SDK1: variants seen among roughly 807,000 people sequenced by gnomAD.
The protein encoded by SDK1 is sidekick cell adhesion molecule 1, also known as protein sidekick-1.
SDK1 carries 157 observed loss-of-function variants against 245.5 expected under a neutral mutation model. That is an observed-to-expected ratio of 0.64 (90% CI 0.56 to 0.73). The LOEUF is 0.73. Among genes scored for constraint, SDK1 ranks in the 30% least tolerant of loss-of-function variants. SDK1 has a pLI of 0.00. For missense variants in SDK1, 3,583 were observed against 3,002.3 expected, an observed-to-expected ratio of 1.19 and a Z score of -4.52; for synonymous variants, 1,647 against 1,278.5, an observed-to-expected ratio of 1.29 and a Z score of -6.15.
At chr7:3,478,282 A>G (rs529791697) in intron 1 of SDK1, among the ~76,000 whole-genome samples, 2 of 152,118 alleles carry the variant, frequency 1.3e-5, no homozygotes, top group South Asian at 4.1e-4. Flanking sequence ...AGAAGTTTAT[A>G]AATTTTATAA....
At chr7:3,628,982 G>A (rs1471524953) in intron 2 of SDK1, among the ~76,000 whole-genome samples, 1 of 151,972 alleles carries the variant, frequency 6.6e-6, no homozygotes, top group African/African-American at 2.4e-5. Context: ...GATTTCTTAG[G>A]GCAGGGTACT....
At chr7:3,621,072 C>T (rs998941797) in intron 2 of SDK1, among the ~76,000 whole-genome samples, 2 of 152,070 alleles carry the variant, frequency 1.3e-5, no homozygotes, top group African/African-American at 2.4e-5. Flanking sequence ...GTGACGTAAG[C>T]GTTTGCAAAA....
chr7:4,223,730 C>T (rs1326275351), intron 40 of SDK1, among the ~76,000 whole-genome samples: 2 of 152,256 alleles, frequency 1.3e-5, no homozygotes, highest in South Asian at 2.1e-4. Flanking sequence ...ATTGGGGGTT[C>T]GGACTTCAAC....
At chr7:3,825,907 T>C (rs1779762902) in intron 5 of SDK1, among the ~76,000 whole-genome samples, 1 of 152,224 alleles carries the variant, frequency 6.6e-6, no homozygotes, top group Non-Finnish European at 1.5e-5. Context: ...GAAATATTAC[T>C]AAAAACCAAT....
intron 1 of SDK1, among the ~76,000 whole-genome samples, chr7:3,493,173 G>C (rs921190237): frequency 2.0e-5 from 3 of 152,036 alleles, no homozygotes; most frequent in African/African-American, 7.2e-5. Flanking sequence ...GGATGGTCTC[G>C]ATCTCCTGAC....
intron 8 of SDK1, among the ~76,000 whole-genome samples, chr7:3,960,191 G>C (rs1003217672): frequency 9.2e-5 from 14 of 152,202 alleles, no homozygotes; most frequent in African/African-American, 3.4e-4. Context: ...GCATGGTTAA[G>C]TACAGTGCCA....
At chr7:4,223,487 C>A (rs80158859) in intron 40 of SDK1, among the ~76,000 whole-genome samples, 15 of 152,318 alleles carry the variant, frequency 9.8e-5, no homozygotes, top group East Asian at 1.9e-4. Context: ...ACCTCTCCCC[C>A]ACTTCTGGTG....
chr7:3,861,816 A>G (rs1414351973), intron 5 of SDK1, among the ~76,000 whole-genome samples: 2 of 152,200 alleles, frequency 1.3e-5, no homozygotes, highest in African/African-American at 4.8e-5. Context: ...TTGAAAAAAG[A>G]AAACAATTAA....
chr7:3,889,981 A>G (rs1174872906), intron 5 of SDK1, among the ~76,000 whole-genome samples: 7 of 152,188 alleles, frequency 4.6e-5, no homozygotes, highest in Admixed American at 2.6e-4. Flanking sequence ...ATTGGTTTCT[A>G]TCATTTGCAA....
In SDK1 at chr7:4,041,963, G is replaced by A. The variant is rs925089248; in HGVS notation, c.2603-7385G>A. 1.3e-4 allele frequency among the ~76,000 whole-genome samples: 17 copies of A among 134,762 alleles called. 1 individual carries two copies. Among genetic ancestry groups the A allele is most frequent in the Admixed American group, 6.9e-4 (10 of 14,436 alleles). The allele number at this position is 134,762 out of a possible 152,430, so 88.4% of individuals were successfully genotyped here. ...TGAGTAGCTGGGACTACAGGCCCGC[G>A]CCACCACGCCCAGCTAATTTTTGTG... On this transcript the variant is annotated intron_variant, in intron 17 of 44. Transcript: ENST00000404826.
chr7:3,693,393 C>T (rs369554021), intron 4 of SDK1, among the ~76,000 whole-genome samples: 3 of 152,058 alleles, frequency 2.0e-5, no homozygotes, highest in South Asian at 2.1e-4. Context: ...TCACAATGGA[C>T]AGTTCAAAAA....
chr7:4,070,889 T>G lies in SDK1; in HGVS notation c.3010+2953T>G, dbSNP rs557661790. Reference sequence around the variant, plus strand: ...CACGCCTGGCTAATTGTTTGTATTTTTAGTGAAGGCGGGGGTTTCACCATG... The same window carrying G: ...CACGCCTGGCTAATTGTTTGTATTTGTAGTGAAGGCGGGGGTTTCACCATG... On this transcript the variant is annotated intron_variant, in intron 20 of 44. Transcript: ENST00000404826. Among the ~76,000 whole-genome samples, 8 of 149,956 alleles carry G rather than the reference T, an allele frequency of 5.3e-5. No homozygotes were observed. The East Asian group carries it at 1.2e-3, about 23-fold the overall frequency.
chr7:3,916,496 C>G (rs1027148529), intron 5 of SDK1, among the ~76,000 whole-genome samples: 9 of 152,156 alleles, frequency 5.9e-5, no homozygotes, highest in Non-Finnish European at 1.2e-4. Flanking sequence ...CTCTTGCCAT[C>G]TTTGTCTTAA....
chr7:4,235,030 T>G (rs584586), intron 41 of SDK1, among the ~76,000 whole-genome samples: 14,203 of 152,196 alleles, frequency 0.093, 746 homozygotes, highest in South Asian at 0.17. Flanking sequence ...TTATGTGCTA[T>G]GAGTTTGGAG....
At chr7:3,911,068 T>G (rs1191882521) in intron 5 of SDK1, among the ~76,000 whole-genome samples, 2 of 152,160 alleles carry the variant, frequency 1.3e-5, no homozygotes, top group Non-Finnish European at 2.9e-5. Context: ...CAGCTCTCCA[T>G]TTTGGGGGGA....
intron 4 of SDK1, among the ~76,000 whole-genome samples, chr7:3,657,084 C>T (rs1228569102): frequency 1.3e-5 from 2 of 152,092 alleles, no homozygotes; most frequent in Non-Finnish European, 2.9e-5. Flanking sequence ...ACCTTCTCCC[C>T]CACAAAGGAG....
intron 7 of SDK1, chr7:3,957,907 C>T (rs948500044): frequency 4.3e-6 from 2 of 462,550 alleles, no homozygotes; most frequent in South Asian, 3.2e-5. Flanking sequence ...CAGGCAGATT[C>T]TTTCTGCTTG....
intron 1 of SDK1, among the ~76,000 whole-genome samples, chr7:3,490,989 A>C (rs1441631995): frequency 6.6e-6 from 1 of 152,236 alleles, no homozygotes; most frequent in East Asian, 1.9e-4. Flanking sequence ...AGCTACCGTC[A>C]ACAGACTGAT....
At chr7:3,655,399 C>T (rs1398762478) in intron 4 of SDK1, among the ~76,000 whole-genome samples, 2 of 143,550 alleles carry the variant, frequency 1.4e-5, no homozygotes, top group Non-Finnish European at 3.0e-5. Flanking sequence ...CAGCATTGCT[C>T]TCCAGCCTGG....
Sources: gnomAD v4.1 joint callset for allele counts (sites outside exome capture counted in the v4.1 genomes callset) on GRCh38, gnomAD v4.1.1 for gene constraint, MANE v1.5 for transcripts, NCBI Gene and HGNC (gene_info 2026-07-23, HGNC 2026-07-21) for gene names.